Variants in NPC1 observed in about 807,000 individuals in gnomAD.
The protein encoded by NPC1 is Niemann-Pick C1 protein.
In NPC1, 85 loss-of-function variants were observed where a neutral mutation model predicts 140.4. That is an observed-to-expected ratio of 0.61 (90% CI 0.51 to 0.72). The LOEUF (loss-of-function observed/expected upper bound fraction) is 0.72. Among genes scored for constraint, NPC1 ranks in the 30% least tolerant of loss-of-function variants. NPC1 has a pLI of 0.00. For synonymous variants in NPC1, 656 were observed against 624.8 expected (o/e 1.05, Z -0.74); for missense variants, 1,504 against 1,623.8 (o/e 0.93, Z 1.27).
At chr18:23,519,735 G>A (rs2145208831), downstream of NPC1, among the ~76,000 whole-genome samples, 2 of 152,270 alleles carry the variant, frequency 1.3e-5, no homozygotes, top group South Asian at 4.1e-4. Context: ...TCCATTCCAC[G>A]AGTACTTGAA....
At chr18:23,516,724 CTTCTT>C (rs1567920938) in intron 3 of NPC1, among the ~76,000 whole-genome samples, 8 of 140,472 alleles carry the variant, frequency 5.7e-5, no homozygotes, top group Admixed American at 1.4e-4. Context: ...AGAATTTCTT[CTTCTT>C]TTTTTTTTTT....
At chr18:23,520,454 AT>A (rs1330161667), downstream of NPC1, 40 of 708,174 alleles carry the variant, frequency 5.6e-5, no homozygotes, top group Non-Finnish European at 8.4e-5. Flanking sequence ...GCCAGGGGCC[AT>A]TTGTTCCAGT....
At chr18:23,543,826 G>A (rs2058746113) in intron 13 of NPC1, among the ~76,000 whole-genome samples, 1 of 152,224 alleles carries the variant, frequency 6.6e-6, no homozygotes, top group South Asian at 2.1e-4. Flanking sequence ...GAACACAGGC[G>A]GCAGGGGACT....
rs557656652 is a variant in NPC1, at chr18:23,562,679, A to G, written c.464-1152T>C. Among the ~76,000 whole-genome samples the G allele has an allele frequency of 5.3e-5, 8 of 151,886 alleles. No homozygotes were observed. In the South Asian group the frequency reaches 1.5e-3, roughly 28 times the overall value. ...TTAAGGTGATTTGTGTCTTGTCTCT[A>G]TTTGCTTTTAAGATATTTGTCTTTG... On this transcript the variant is annotated intron_variant, in intron 4 of 24. Coordinates refer to ENST00000269228, the MANE Select transcript of NPC1 (RefSeq NM_000271.5).
intron 3 of NPC1, chr18:23,509,226 A>T: frequency 6.8e-7 from 1 of 1,465,736 alleles, no homozygotes; most frequent in Non-Finnish European, 9.0e-7. Flanking sequence ...ATTCTGCTGG[A>T]CTAGTTCAAC....
At chr18:23,537,825 A>G (rs1247039221) in intron 20 of NPC1, among the ~76,000 whole-genome samples, 2 of 152,244 alleles carry the variant, frequency 1.3e-5, no homozygotes, top group Non-Finnish European at 2.9e-5. Context: ...GAGTCATCCC[A>G]TGATACCTCG....
intron 3 of NPC1, among the ~76,000 whole-genome samples, chr18:23,510,977 G>A (rs1252017243): frequency 6.6e-6 from 1 of 152,220 alleles, no homozygotes; most frequent in Admixed American, 6.5e-5. Context: ...ATTACTGGGT[G>A]TAATATGCAG....
In NPC1 at chr18:23,540,589, C is replaced by T. The variant is rs374713465; in HGVS notation, c.2515-52G>A. 2.5e-5 allele frequency: 32 copies of T among 1,277,470 alleles called. No individual in the cohort carries two copies. The African/African-American group carries it at 2.8e-4, about 11-fold the overall frequency. 79.1% of individuals were successfully genotyped at this position (1,277,470 alleles called of 1,614,324 possible). On this transcript the variant is annotated intron_variant, in intron 16 of 24. Transcript: ENST00000269228. ...AGAGACTGCTTAGTAAATAAGCTTA[C>T]GACCAGAAATAAAATCTTAAGCACA...
intron 11 of NPC1, among the ~76,000 whole-genome samples, chr18:23,545,844 C>T (rs2058781875): frequency 6.6e-6 from 1 of 152,158 alleles, no homozygotes; most frequent in Admixed American, 6.6e-5. Flanking sequence ...TTCCTCCTGC[C>T]TCCACATCCC....
intron 11 of NPC1, among the ~76,000 whole-genome samples, chr18:23,546,239 ACT>A (rs1371838403): frequency 8.2e-6 from 1 of 122,478 alleles, no homozygotes; most frequent in Admixed American, 9.7e-5. Flanking sequence ...ACACAGCAAG[ACT>A]CTGTCTCAAA....
exon 2 of NPC1, chr18:23,522,382 C>T (rs1046765183): frequency 2.0e-5 from 3 of 152,232 alleles, no homozygotes; most frequent in Admixed American, 1.3e-4. Flanking sequence ...ACAAGCCTGT[C>T]CAACCCACGG....
At position 23,554,995 on chromosome 18, in the gene NPC1, A is replaced by AT. The variant is rs2058929388; in HGVS notation, c.1327-12dup. 4.4e-6 allele frequency: 7 copies of AT among 1,576,276 alleles called. No individual in the cohort carries two copies. The highest frequency in any genetic ancestry group is 6.1e-6 in the Non-Finnish European group (7 of 1,145,640). On this transcript the variant is annotated splice_polypyrimidine_tract_variant and intron_variant, in intron 8 of 24. Coordinates refer to ENST00000269228, the MANE Select transcript of NPC1 (RefSeq NM_000271.5). ...TTGTAAGTCAAGAACCTGAAAGAAG[A>AT]TTTTAAAAATAAGCAAACCCAGAAA...
rs2058534372 is a variant in NPC1 at position 23,532,212 on chromosome 18, A to T, written c.3827T>A (p.Leu1276Gln). 6.2e-7 allele frequency: 1 copy of T among 1,614,068 alleles called. No individual in the cohort carries two copies. The highest frequency in any genetic ancestry group is 1.3e-5 in the African/African-American group (1 of 74,930). Residue 1276 changes from leucine to glutamine, a missense_variant, in exon 25 of 25, where the codon CTA becomes CAA. Physicochemically the swap from Leu to Gln is moderately radical, Grantham distance 113. Coordinates refer to ENST00000269228, the MANE Select transcript of NPC1 (RefSeq NM_000271.5). Reference sequence around the variant, plus strand: ...TGCCCTGCGAGAGGGCTAGAAATTTAGAAGCCGTTCGCGCTCTGTTCCTTT... The same window carrying T: ...TGCCCTGCGAGAGGGCTAGAAATTTTGAAGCCGTTCGCGCTCTGTTCCTTT... ...RYKGTERERLLNF is the reference protein window; with the variant it reads ...RYKGTERERLQNF
chr18:23,561,287 C>T, intron 5 of NPC1, 73 bp downstream of exon 5: 3 of 1,511,330 alleles, frequency 2.0e-6, no homozygotes, highest in Non-Finnish European at 2.8e-6. Context: ...ACTGGTGAGC[C>T]ACTGTGCCCA....
intron 21 of NPC1, 37 bp from the exon 22 acceptor site, chr18:23,535,737 C>G (rs780618072): frequency 2.9e-6 from 4 of 1,370,638 alleles, no homozygotes; most frequent in Non-Finnish European, 4.2e-6. Context: ...AAAGCTCGCT[C>G]TCACTCCCGA....
chr18:23,538,998 C>T (rs749511782), intron 19 of NPC1: 26 of 447,854 alleles, frequency 5.8e-5, no homozygotes, highest in Non-Finnish European at 8.2e-5. Context: ...GCAACCTCGA[C>T]GCTCCTACAA....
chr18:23,540,954 A>T, intron 16 of NPC1, 114 bp downstream of exon 16: 2 of 1,229,348 alleles, frequency 1.6e-6, no homozygotes, highest in Non-Finnish European at 2.4e-6. Flanking sequence ...CTTTTTTTTT[A>T]GATACATTTT....
At chr18:23,537,579 CCA>C (rs1598940943) in intron 20 of NPC1, among the ~76,000 whole-genome samples, 2 of 152,178 alleles carry the variant, frequency 1.3e-5, no homozygotes, top group South Asian at 2.1e-4. Flanking sequence ...CCTCTGAGCC[CCA>C]GTCTCCTCTT....
rs777725679 is a variant in NPC1 at position 23,560,321 on chromosome 18, C to A, written c.791G>T (p.Gly264Val). Residue 264 changes from glycine to valine, a missense_variant, in exon 6 of 25, where the codon GGC (glycine) becomes GTC (valine). Gly to Val is a moderately radical substitution (Grantham distance 109). Transcript: ENST00000269228. ...PPPPAPWTIL[G>V]LDAMYVIMWI... The stretch of plus-strand genomic sequence containing the variant: ...CATGATGACATACATGGCGTCCAAG[C>A]CAAGGATCGTCCAGGGAGCAGGAGG... 1.2e-6 allele frequency: 2 copies of A among 1,614,168 alleles called. No individual in the cohort carries two copies. Among genetic ancestry groups the A allele is most frequent in the South Asian group, 2.2e-5 (2 of 91,086 alleles).
Sources: gnomAD v4.1 joint callset for allele counts (sites outside exome capture counted in the v4.1 genomes callset) on GRCh38, gnomAD v4.1.1 for gene constraint, MANE v1.5 for transcripts, NCBI Gene and HGNC (gene_info 2026-07-23, HGNC 2026-07-21) for gene names.